The following FHOD3 variants were observed in gnomAD, a reference collection of about 807,000 sequenced individuals.
The protein encoded by FHOD3 is FH1/FH2 domain-containing protein 3.
FHOD3 carries 90 observed loss-of-function variants against 173.0 expected under a neutral mutation model. The observed-to-expected ratio is 0.52, with a 90% confidence interval of 0.44 to 0.62. The LOEUF (loss-of-function observed/expected upper bound fraction) is 0.62. Among genes scored for constraint, FHOD3 ranks in the 20% least tolerant of loss-of-function variants. FHOD3 has a pLI of 0.00. For synonymous variants in FHOD3, 828 were observed against 823.0 expected (o/e 1.01, Z -0.10); for missense variants, 1,945 against 2,034.7 (o/e 0.96, Z 0.85).
intron 6 of FHOD3, among the ~76,000 whole-genome samples, chr18:36,581,288 G>A (rs1425962218): frequency 6.6e-6 from 1 of 152,168 alleles, no homozygotes; most frequent in Non-Finnish European, 1.5e-5. Context: ...CTAATTAATT[G>A]GAGTAAGATG....
chr18:36,366,826 G>A (rs1042094210), intron 2 of FHOD3, among the ~76,000 whole-genome samples: 2 of 152,210 alleles, frequency 1.3e-5, no homozygotes, highest in African/African-American at 4.8e-5. Context: ...TGGGGCAACT[G>A]TTGAGGGGGC....
chr18:36,584,515 A>C (rs1463597879), intron 6 of FHOD3, among the ~76,000 whole-genome samples: 3 of 152,232 alleles, frequency 2.0e-5, no homozygotes, highest in Non-Finnish European at 2.9e-5. Context: ...CTTGAATTGC[A>C]CTATTGTCTT....
At chr18:36,540,608 C>T (rs777725168) in intron 5 of FHOD3, among the ~76,000 whole-genome samples, 3 of 151,974 alleles carry the variant, frequency 2.0e-5, no homozygotes, top group Non-Finnish European at 2.9e-5. Context: ...TCAATGGCAC[C>T]CAGTGATTTA....
intron 19 of FHOD3, among the ~76,000 whole-genome samples, 183 bp downstream of exon 19, chr18:36,718,898 A>G (rs2040608726): frequency 1.3e-5 from 2 of 152,238 alleles, no homozygotes; most frequent in African/African-American, 4.8e-5. Flanking sequence ...CATGAGTCAG[A>G]GACCCTTATT....
At chr18:36,512,098 C>T (rs747091096) in intron 4 of FHOD3, among the ~76,000 whole-genome samples, 6 of 152,220 alleles carry the variant, frequency 3.9e-5, no homozygotes, top group South Asian at 4.1e-4. Flanking sequence ...CAAGCTTCTC[C>T]GTGGCCAGTC....
chr18:36,602,830 C>G, intron 8 of FHOD3, 62 bp downstream of exon 8: 1 of 1,275,674 alleles, frequency 7.8e-7, no homozygotes, highest in Non-Finnish European at 1.1e-6. Flanking sequence ...AAGCCCTGAC[C>G]CCTGGTATCT....
chr18:36,774,268 A>G (rs2043528163), intron 28 of FHOD3, among the ~76,000 whole-genome samples: 1 of 152,220 alleles, frequency 6.6e-6, no homozygotes. Context: ...GTAGGAGGGC[A>G]TGGGCTGGGC....
At chr18:36,301,307 G>A (rs868661577) in intron 1 of FHOD3, among the ~76,000 whole-genome samples, 4 of 152,148 alleles carry the variant, frequency 2.6e-5, no homozygotes, top group African/African-American at 4.8e-5. Context: ...CTTAGTTCAC[G>A]TCTGCTGACT....
chr18:36,631,350 T>C (rs1022223095), intron 10 of FHOD3, among the ~76,000 whole-genome samples: 1 of 152,222 alleles, frequency 6.6e-6, no homozygotes, highest in Admixed American at 6.5e-5. Context: ...AAAATAGCTA[T>C]GTGCCAATTT....
rs1417524653 is a variant in FHOD3 at position 36,681,462 on chromosome 18, C to T, written c.1862C>T (p.Ser621Leu). The T allele has an allele frequency of 6.2e-7, 1 of 1,613,766 alleles. No individual in the cohort carries two copies. The highest frequency in any genetic ancestry group is 2.2e-5 in the East Asian group (1 of 44,884). Residue 621 changes from serine (S) to leucine (L), a missense_variant, in exon 15 of 29, where the codon TCA becomes TTA. Transcript: ENST00000590592. ...TCATCACCGAGTGGTCTTCTCACAT[C>T]ATCCTTCAGGCAGCACCAAGAGTCA... is the stretch of plus-strand genomic sequence containing the variant. ...ERSSPSGLLT[S>L]SFRQHQESLA...
At chr18:36,477,905 C>T (rs755686529) in intron 3 of FHOD3, among the ~76,000 whole-genome samples, 22 of 152,280 alleles carry the variant, frequency 1.4e-4, no homozygotes, top group Middle Eastern at 3.4e-3. Context: ...CGAAGAACCA[C>T]GGCATGCAGT....
intron 5 of FHOD3, among the ~76,000 whole-genome samples, chr18:36,571,635 G>A (rs945124750): frequency 9.2e-5 from 14 of 152,178 alleles, no homozygotes; most frequent in Non-Finnish European, 1.9e-4. Flanking sequence ...TAAAGCTATG[G>A]TGATCCAGAT....
chr18:36,718,316 T>G lies in FHOD3; in HGVS notation c.3018T>G (p.Ile1006Met), dbSNP rs781629126. The G allele has an allele frequency of 6.2e-7, 1 of 1,614,054 alleles. No individual in the cohort carries two copies. Among genetic ancestry groups the G allele is most frequent in the East Asian group, 2.2e-5 (1 of 44,876 alleles). ...CTGACCTGGGGGAGGAGGATGACAT[T>G]GATGTCCTAGATGTGGACCTGGGTC... ...DFTDLGEEDDIDVLDVDLGHR... is the reference protein window; with the variant it reads ...DFTDLGEEDDMDVLDVDLGHR... The change falls in exon 19 of 29, where the codon ATT (isoleucine) becomes ATG (methionine). Residue 1006 changes from isoleucine (I) to methionine (M), a missense_variant. By Grantham distance (10) the Ile-to-Met change is conservative. Transcript: ENST00000590592.
chr18:36,460,513 G>A (rs954604674), intron 3 of FHOD3, among the ~76,000 whole-genome samples: 2 of 152,144 alleles, frequency 1.3e-5, no homozygotes, highest in African/African-American at 4.8e-5. Flanking sequence ...CTTTTTCCAG[G>A]GAGCATTACT....
At chr18:36,644,973 C>T (rs1193785658) in intron 10 of FHOD3, among the ~76,000 whole-genome samples, 2 of 152,100 alleles carry the variant, frequency 1.3e-5, no homozygotes, top group African/African-American at 4.8e-5. Flanking sequence ...AGGTGGAGGG[C>T]ATTTTGTGTG....
At chr18:36,573,619 T>G (rs150500453) in intron 5 of FHOD3, among the ~76,000 whole-genome samples, 28 of 152,168 alleles carry the variant, frequency 1.8e-4, no homozygotes, top group African/African-American at 6.3e-4. Context: ...AAAGAAGATT[T>G]GAGTGTTTAA....
chr18:36,681,695 G>A, intron 15 of FHOD3, 125 bp downstream of exon 15: 5 of 1,196,126 alleles, frequency 4.2e-6, no homozygotes, highest in Non-Finnish European at 5.8e-6. Flanking sequence ...GTATTTTTAA[G>A]GAAGAGAAAG....
intron 7 of FHOD3, among the ~76,000 whole-genome samples, chr18:36,596,279 C>T (rs976162604): frequency 1.3e-5 from 2 of 149,858 alleles, no homozygotes; most frequent in African/African-American, 2.5e-5. Context: ...CTCAGCCTCC[C>T]GAGTGGCTGG....
chr18:36,506,604 G>A (rs2055313326), intron 4 of FHOD3, among the ~76,000 whole-genome samples: 1 of 152,196 alleles, frequency 6.6e-6, no homozygotes, highest in Non-Finnish European at 1.5e-5. Context: ...GGCCCCAGTT[G>A]TTCATTCATG....
Sources: allele counts gnomAD v4.1 joint callset (sites outside exome capture counted in the v4.1 genomes callset), GRCh38; gene constraint gnomAD v4.1.1; transcripts MANE v1.5; gene names NCBI Gene and HGNC (gene_info 2026-07-23, HGNC 2026-07-21).